TTC21A: variants seen among roughly 807,000 people sequenced by gnomAD.
TTC21A encodes tetratricopeptide repeat protein 21A.
A neutral mutation model predicts 156.4 loss-of-function variants in TTC21A; 128 were observed. The observed-to-expected ratio is 0.82, with a 90% confidence interval of 0.71 to 0.95. TTC21A has a LOEUF of 0.95. Among genes scored for constraint, TTC21A ranks in the 40% least tolerant of loss-of-function variants. The probability of loss-of-function intolerance (pLI) is 0.00; values close to 1 mark genes in which losing one functional copy is unlikely to be tolerated. For synonymous variants in TTC21A, 587 were observed against 617.1 expected (o/e 0.95, Z 0.72); for missense variants, 1,435 against 1,602.3 (o/e 0.90, Z 1.78).
chr3:39,119,385 T>C (rs752415032), intron 7 of TTC21A: 3 of 152,184 alleles, frequency 2.0e-5, no homozygotes, highest in Non-Finnish European at 2.9e-5. Flanking sequence ...TAACCTTTCA[T>C]GTGTTGGACA....
intron 9 of TTC21A, among the ~76,000 whole-genome samples, chr3:39,123,081 A>G (rs1182329532): frequency 6.6e-6 from 1 of 152,240 alleles, no homozygotes; most frequent in East Asian, 1.9e-4. Flanking sequence ...TACAGAAAAG[A>G]CTTTTCCTCC....
At chr3:39,122,351 G>T (rs770218616) in intron 9 of TTC21A, among the ~76,000 whole-genome samples, 2 of 151,946 alleles carry the variant, frequency 1.3e-5, no homozygotes, top group Non-Finnish European at 2.9e-5. Flanking sequence ...ACATAGCAGC[G>T]TGGACCAGAA....
At position 39,137,689 on chromosome 3, in the gene TTC21A, G is replaced by A. The variant is rs766974641; in HGVS notation, c.3654G>A (p.Arg1218=). The change falls in exon 26 of 29, where the codon CGG becomes CGA. Residue 1218 remains arginine (R), a synonymous_variant. Transcript: ENST00000683103. The part of the protein sequence containing the change: ...SKFDLALELL[R]RCVQYNKSCY... ...TCGACCTCGCCTTAGAACTGCTGCG[G>A]CGCTGTGTGCAATACAACAAGGCAA... is the stretch of plus-strand genomic sequence containing the variant. 4 of 1,612,944 alleles carry A rather than the reference G, an allele frequency of 2.5e-6. No homozygotes were observed. Among genetic ancestry groups the A allele is most frequent in the Non-Finnish European group, 1.7e-6 (2 of 1,179,642 alleles).
At chr3:39,128,980 G>A in intron 14 of TTC21A, 48 bp downstream of exon 14, 2 of 1,609,104 alleles carry the variant, frequency 1.2e-6, no homozygotes, top group East Asian at 2.2e-5. Context: ...CACACTGGAG[G>A]CTCAGGGTAG....
intron 3 of TTC21A, among the ~76,000 whole-genome samples, chr3:39,110,634 G>C (rs6599009): frequency 0.46 from 69,460 of 152,130 alleles, 18,905 homozygotes; most frequent in African/African-American, 0.78. Context: ...GACAGCACAC[G>C]TGAGTCCACA....
In TTC21A at chr3:39,110,201, G is replaced by C. The variant is rs748962405; in HGVS notation, c.268+62G>C. 2.3e-6 allele frequency: 3 copies of C among 1,288,008 alleles called. No individual in the cohort carries two copies. In the South Asian group the frequency reaches 3.6e-5, roughly 16 times the overall value. 79.8% of individuals were successfully genotyped at this position (1,288,008 alleles called of 1,614,324 possible). ...AGGGGAAGGAAAGCCCTGCCCCAGA[G>C]ATAACACAGCCCCTCAAGGGCTGCC... is the stretch of plus-strand genomic sequence containing the variant. On this transcript the variant is annotated intron_variant, in intron 3 of 28. Transcript: ENST00000683103.
intron 7 of TTC21A, 86 bp downstream of exon 7, chr3:39,118,239 C>T (rs1336739250): frequency 7.5e-7 from 1 of 1,326,246 alleles, no homozygotes; most frequent in Admixed American, 1.7e-5. Context: ...ACCCAAAGCC[C>T]TTGTAGGGAG....
chr3:39,135,257 C>G, intron 22 of TTC21A, 83 bp downstream of exon 22: 1 of 1,190,350 alleles, frequency 8.4e-7, no homozygotes, highest in Admixed American at 1.7e-5. Context: ...ACCTCTCCCT[C>G]CTTCCTGACT....
At position 39,110,896 on chromosome 3, in the gene TTC21A, G is replaced by A. The variant is rs1361667659; in HGVS notation, c.314G>A (p.Arg105His). The change falls in exon 4 of 29, where the codon CGC becomes CAC. Residue 105 changes from arginine to histidine, a missense_variant. Physicochemically the swap from Arg to His is conservative, Grantham distance 29. Transcript: ENST00000683103. ...CTTGAGTACAGCCTGAAGGAAATAC[G>A]CAAGACAGTCAGTGGGACTGCACTG... Reference protein sequence around the residue: ...QELEYSLKEIRKTVSGTALYY... With the variant: ...QELEYSLKEIHKTVSGTALYY... The A allele has an allele frequency of 3.7e-6, 6 of 1,613,886 alleles. No homozygotes were observed. Among genetic ancestry groups the A allele is most frequent in the African/African-American group, 1.3e-5 (1 of 74,932 alleles).
intron 9 of TTC21A, 99 bp from the exon 10 acceptor site, chr3:39,124,964 A>G (rs189897496): frequency 1.3e-6 from 1 of 796,002 alleles, no homozygotes; most frequent in Admixed American, 1.8e-5. Flanking sequence ...CTACACTGAG[A>G]CATCTTCCTT....
intron 3 of TTC21A, 122 bp downstream of exon 3, chr3:39,110,261 C>A: frequency 1.3e-6 from 1 of 762,866 alleles, no homozygotes; most frequent in Non-Finnish European, 2.3e-6. Flanking sequence ...TGTGCAGATG[C>A]TGTTAACCAG....
intron 7 of TTC21A, 54 bp downstream of exon 7, chr3:39,118,207 C>A: frequency 6.4e-7 from 1 of 1,552,926 alleles, no homozygotes; most frequent in East Asian, 2.2e-5. Context: ...CAAGGAGGAA[C>A]CCTTCATGAC....
Position 39,126,538 on chromosome 3 carries a change from A to G in TTC21A, c.1522+148A>G, listed in dbSNP as rs570277803. The G allele has an allele frequency of 7.1e-5, 56 of 793,462 alleles. No homozygotes were observed. In the South Asian group the frequency reaches 8.5e-4, roughly 12 times the overall value. 49.2% of individuals were successfully genotyped at this position (793,462 alleles called of 1,614,324 possible). A position where few individuals can be genotyped will look rare whatever the true frequency, so the allele number is the denominator to read the frequency against. The stretch of plus-strand genomic sequence containing the variant: ...CACACACACTCTCCTTGCCTGGGGT[A>G]CTACGCACACACACACACACATGCA... On this transcript the variant is annotated intron_variant, in intron 12 of 28. Transcript: ENST00000683103.
chr3:39,119,400 G>A (rs2037551747), intron 7 of TTC21A: 1 of 152,272 alleles, frequency 6.6e-6, no homozygotes, highest in African/African-American at 2.4e-5. Context: ...TGGACAGGAA[G>A]GTTTGGAAAG....
chr3:39,114,545 C>T, intron 5 of TTC21A, 40 bp from the exon 6 acceptor site: 1 of 1,606,650 alleles, frequency 6.2e-7, no homozygotes, highest in Non-Finnish European at 8.5e-7. Context: ...CCTTCATGGG[C>T]ACTCCCTTCA....
At chr3:39,114,963 A>G (rs2037152943) in intron 6 of TTC21A, among the ~76,000 whole-genome samples, 1 of 152,232 alleles carries the variant, frequency 6.6e-6, no homozygotes, top group South Asian at 2.1e-4. Flanking sequence ...TATGATGGCT[A>G]AATCAAGAAA....
chr3:39,129,151 A>T lies in TTC21A; in HGVS notation c.1976A>T (p.Asn659Ile), dbSNP rs748001591. 2 of 1,614,256 alleles carry T rather than the reference A, an allele frequency of 1.2e-6. No individual in the cohort carries two copies. Among genetic ancestry groups the T allele is most frequent in the Non-Finnish European group, 1.7e-6 (2 of 1,180,028 alleles). The change falls in exon 15 of 29, where the codon AAC (asparagine) becomes ATC (isoleucine). Residue 659 changes from asparagine (N) to isoleucine (I), a missense_variant. Physicochemically the swap from Asn to Ile is moderately radical, Grantham distance 149 (BLOSUM62 -3). Coordinates refer to ENST00000683103, the MANE Select transcript of TTC21A (RefSeq NM_001366900.1). Reference protein sequence around the residue: ...TPEENRITIANVDLVLSKGNV... With the variant: ...TPEENRITIAIVDLVLSKGNV... The stretch of plus-strand genomic sequence containing the variant: ...GAAGAGAACCGCATCACCATTGCCA[A>T]CGTGGACTTGGTCCTGAGCAAGGGC...
rs964219432 is a variant in TTC21A at position 39,130,715 on chromosome 3, T to A, written c.2334T>A (p.Tyr778Ter). The A allele has an allele frequency of 6.2e-7, 1 of 1,614,220 alleles. No individual in the cohort carries two copies. The highest frequency in any genetic ancestry group is 1.7e-5 in the Admixed American group (1 of 60,028). Residue 778 changes from tyrosine (Y) to a stop codon, truncating the protein, a stop_gained, in exon 18 of 29, where the codon TAT (tyrosine) becomes TAA (stop). Coordinates refer to ENST00000683103, the MANE Select transcript of TTC21A (RefSeq NM_001366900.1). LOFTEE classifies it high-confidence loss of function. This position sits in a 1 kb window ranked among gnomAD's most constrained non-coding sequence, Gnocchi z 4.5. ...AHQYTEAIEY[Y>*]EAAQKINGQD... ...TTTGCACTAAGGCAATTGAGTATTATGAGGCTGCCCAGAAGATTAATGGAC... is the reference window on the plus strand; with the variant it reads ...TTTGCACTAAGGCAATTGAGTATTAAGAGGCTGCCCAGAAGATTAATGGAC...
intron 6 of TTC21A, 22 bp from the exon 7 acceptor site, chr3:39,118,047 G>C (rs768309485): frequency 6.4e-7 from 1 of 1,571,524 alleles, no homozygotes; most frequent in South Asian, 1.1e-5. Flanking sequence ...CTCAATTCAT[G>C]TGCCTCCTCT....
Sources: allele counts gnomAD v4.1 joint callset (sites outside exome capture counted in the v4.1 genomes callset), GRCh38; gene constraint gnomAD v4.1.1; non-coding constraint Gnocchi (gnomAD v3.1); transcripts MANE v1.5; gene names NCBI Gene and HGNC (gene_info 2026-07-23, HGNC 2026-07-21).